Variants in ROBO1 observed in about 807,000 individuals in gnomAD.
The protein encoded by ROBO1 is roundabout homolog 1.
Under a neutral mutation model 195.9 loss-of-function variants are expected in ROBO1, and 149 were observed. The observed-to-expected ratio is 0.76, with a 90% CI of 0.67 to 0.87. The LOEUF is 0.87. Ranked by LOEUF, ROBO1 falls within the 40% of genes least tolerant of loss-of-function variation. The probability of loss-of-function intolerance (pLI) is 0.00; values close to 1 mark genes in which losing one functional copy is unlikely to be tolerated. For missense variants in ROBO1, 1,933 were observed against 2,068.3 expected (o/e 0.93, Z 1.27); for synonymous variants, 816 against 733.2 (o/e 1.11, Z -1.82).
At chr3:78,893,004 A>T (rs1189269841) in intron 4 of ROBO1, among the ~76,000 whole-genome samples, 1 of 152,248 alleles carries the variant, frequency 6.6e-6, no homozygotes, top group Admixed American at 6.5e-5. Flanking sequence ...GTGCAACCTC[A>T]TACTGGCAGG....
intron 4 of ROBO1, among the ~76,000 whole-genome samples, chr3:78,863,346 T>C (rs1035094292): frequency 2.0e-4 from 30 of 152,314 alleles, no homozygotes; most frequent in African/African-American, 7.0e-4. Flanking sequence ...TCCTATTTTA[T>C]ATAGCCCATA....
intron 2 of ROBO1, among the ~76,000 whole-genome samples, chr3:79,562,604 G>C (rs1942960485): frequency 6.6e-6 from 1 of 152,024 alleles, no homozygotes; most frequent in African/African-American, 2.4e-5. Context: ...TTATTGAGCT[G>C]AGGGATGAAT....
At chr3:79,243,351 T>A (rs1264661947) in intron 2 of ROBO1, among the ~76,000 whole-genome samples, 2 of 152,172 alleles carry the variant, frequency 1.3e-5, no homozygotes. Context: ...ATATACCCAG[T>A]AATGGGATGG....
chr3:79,315,537 C>T (rs940238239), intron 2 of ROBO1, among the ~76,000 whole-genome samples: 1 of 152,028 alleles, frequency 6.6e-6, no homozygotes, highest in Non-Finnish European at 1.5e-5. Context: ...TGGGAAATAA[C>T]GGAGAGCAAT....
rs375510081 is a variant in ROBO1 at position 79,332,020 on chromosome 3, G to A, written c.89-206481C>T. On this transcript the variant is annotated intron_variant, in intron 2 of 30. Transcript: ENST00000464233. Reference sequence around the variant, plus strand: ...TAGCCAGGCGTGGTGGCGGGCGCCTGTAGTCCCAGGTGCTGGGAAGGCTGA... The same window carrying A: ...TAGCCAGGCGTGGTGGCGGGCGCCTATAGTCCCAGGTGCTGGGAAGGCTGA... Among the ~76,000 whole-genome samples the A allele has an allele frequency of 2.2e-3, 327 of 152,080 alleles. 1 individual carries two copies. The highest frequency in any genetic ancestry group is 6.9e-3 in the African/African-American group (285 of 41,492).
At chr3:78,630,876 T>C (rs1705136879) in intron 25 of ROBO1, among the ~76,000 whole-genome samples, 1 of 152,178 alleles carries the variant, frequency 6.6e-6, no homozygotes, top group African/African-American at 2.4e-5. Flanking sequence ...TATATATCCA[T>C]ATGTTAAATT....
In ROBO1 at chr3:79,090,086, T is replaced by G. The variant is rs1576661306; in HGVS notation, c.172+35370A>C. Reference sequence around the variant, plus strand: ...TCCTGAGTAGCTAGGACTACAGGCATGCACCACCATGCCCAGCTAATTTTT... The same window carrying G: ...TCCTGAGTAGCTAGGACTACAGGCAGGCACCACCATGCCCAGCTAATTTTT... On this transcript the variant is annotated intron_variant, in intron 3 of 30. Coordinates refer to ENST00000464233, the MANE Select transcript of ROBO1 (RefSeq NM_002941.4). Among the ~76,000 whole-genome samples, 3 of 152,052 alleles carry G rather than the reference T, an allele frequency of 2.0e-5. 1 individual carries two copies. In the East Asian group the frequency reaches 5.8e-4, roughly 30 times the overall value.
chr3:79,656,305 A>G (rs1471471140), intron 1 of ROBO1, among the ~76,000 whole-genome samples: 1 of 151,912 alleles, frequency 6.6e-6, no homozygotes, highest in East Asian at 1.9e-4. Flanking sequence ...TTTTGAGATA[A>G]TAATAATGAA....
chr3:79,066,321 C>T (rs553693936), intron 3 of ROBO1, among the ~76,000 whole-genome samples: 38 of 151,916 alleles, frequency 2.5e-4, no homozygotes, highest in Admixed American at 7.2e-4. Context: ...GCTTCTCAGA[C>T]GGCTGGCTAC....
chr3:78,635,314 T>C (rs1418442810), intron 23 of ROBO1, among the ~76,000 whole-genome samples: 2 of 152,300 alleles, frequency 1.3e-5, no homozygotes, highest in Admixed American at 1.3e-4. Context: ...ATACAACAAA[T>C]TGAACCACTT....
At chr3:79,460,323 ATG>A (rs1937590081) in intron 2 of ROBO1, among the ~76,000 whole-genome samples, 2 of 152,320 alleles carry the variant, frequency 1.3e-5, no homozygotes, top group African/African-American at 4.8e-5. Context: ...ACCATGTAAC[ATG>A]TGGCCCAATT....
At chr3:79,281,307 T>C (rs1167708964) in intron 2 of ROBO1, among the ~76,000 whole-genome samples, 1 of 147,552 alleles carries the variant, frequency 6.8e-6, no homozygotes, top group Non-Finnish European at 1.5e-5. Context: ...TTCTTATTTA[T>C]TGATTGATTG....
At chr3:79,630,841 A>G (rs1468606561) in intron 1 of ROBO1, among the ~76,000 whole-genome samples, 1 of 151,950 alleles carries the variant, frequency 6.6e-6, no homozygotes, top group Non-Finnish European at 1.5e-5. Context: ...AATAACATTG[A>G]AGCTGAGAAC....
chr3:79,670,840 G>C (rs191628666), intron 1 of ROBO1, among the ~76,000 whole-genome samples: 45 of 151,828 alleles, frequency 3.0e-4, no homozygotes, highest in African/African-American at 1.1e-3. Context: ...AAGTCCCTAG[G>C]GTGAATTTGG....
At chr3:78,781,170 T>G (rs1248921542) in intron 4 of ROBO1, among the ~76,000 whole-genome samples, 1 of 152,128 alleles carries the variant, frequency 6.6e-6, no homozygotes, top group Admixed American at 6.5e-5. Context: ...TTTCCTCTAT[T>G]AGTATATATA....
intron 3 of ROBO1, chr3:79,018,962 A>G: frequency 1.0e-6 from 1 of 989,420 alleles, no homozygotes; most frequent in Non-Finnish European, 1.2e-6. Flanking sequence ...GGCGGCGGCG[A>G]TAGCAGCCAA....
At position 79,105,120 on chromosome 3, in the gene ROBO1, A is replaced by T. The variant is rs75470503; in HGVS notation, c.172+20336T>A. ...TTGTGAGTAAATTCAAAAGAAAACC[A>T]TAAAGCAAAATATGATGGTATAATT... On this transcript the variant is annotated intron_variant, in intron 3 of 30. Transcript: ENST00000464233. 8.1e-3 allele frequency among the ~76,000 whole-genome samples: 1,232 copies of T among 151,962 alleles called. 20 individuals carry two copies. Among genetic ancestry groups the T allele is most frequent in the African/African-American group, 0.028 (1,181 of 41,510 alleles).
At chr3:79,277,707 A>G (rs760814482) in intron 2 of ROBO1, among the ~76,000 whole-genome samples, 4 of 152,004 alleles carry the variant, frequency 2.6e-5, no homozygotes, top group Non-Finnish European at 5.9e-5. Flanking sequence ...TATACATTGT[A>G]TATCTATATC....
chr3:78,678,473 T>TA (rs1708578828), intron 10 of ROBO1, among the ~76,000 whole-genome samples: 1 of 151,938 alleles, frequency 6.6e-6, no homozygotes, highest in Non-Finnish European at 1.5e-5. Context: ...ATGGATGCAA[T>TA]AAAAAATGAT....
Sources: allele counts gnomAD v4.1 joint callset (sites outside exome capture counted in the v4.1 genomes callset), GRCh38; gene constraint gnomAD v4.1.1; transcripts MANE v1.5; gene names NCBI Gene and HGNC (gene_info 2026-07-23, HGNC 2026-07-21).